Variants in TNKS observed in about 807,000 individuals in gnomAD.
TNKS encodes the protein poly [ADP-ribose] polymerase tankyrase-1.
TNKS carries 72 observed loss-of-function variants against 135.8 expected under a neutral mutation model. The observed-to-expected ratio is 0.53, with a 90% CI of 0.44 to 0.64. The LOEUF (loss-of-function observed/expected upper bound fraction) is 0.64. Ranked by LOEUF, TNKS falls within the 30% of genes least tolerant of loss-of-function variation. The probability of loss-of-function intolerance (pLI) is 0.00; values close to 1 mark genes in which losing one functional copy is unlikely to be tolerated. For synonymous variants in TNKS, 849 were observed against 649.3 expected, an observed-to-expected ratio of 1.31 and a Z score of -4.68; for missense variants, 1,769 against 1,674.0, an observed-to-expected ratio of 1.06 and a Z score of -0.99.
chr8:9,675,074 G>A (rs529306339), intron 3 of TNKS, among the ~76,000 whole-genome samples: 11 of 152,290 alleles, frequency 7.2e-5, no homozygotes, highest in African/African-American at 2.4e-4. Context: ...TTTAAGTATA[G>A]CAGAGTATCA....
Position 9,674,657 on chromosome 8 carries a change from A to G in TNKS, c.995-5294A>G, listed in dbSNP as rs552831115. Among the ~76,000 whole-genome samples the G allele has an allele frequency of 3.3e-5, 5 of 152,252 alleles. No homozygotes were observed. The South Asian group carries it at 6.2e-4, about 19-fold the overall frequency. On this transcript the variant is annotated intron_variant, in intron 3 of 26. Transcript: ENST00000310430. ...ACTGATGAACAGAATTTTTATTTTTATATAATTTAATTGTAAGTGTTGAGG... is the reference window on the plus strand; with the variant it reads ...ACTGATGAACAGAATTTTTATTTTTGTATAATTTAATTGTAAGTGTTGAGG...
intron 3 of TNKS, among the ~76,000 whole-genome samples, chr8:9,650,626 T>C (rs567815429): frequency 6.6e-6 from 1 of 152,350 alleles, no homozygotes; most frequent in Non-Finnish European, 1.5e-5. Context: ...TTGAGAATTA[T>C]CTATTCATGT....
At chr8:9,686,600 G>C (rs1290402383) in intron 5 of TNKS, among the ~76,000 whole-genome samples, 1 of 152,112 alleles carries the variant, frequency 6.6e-6, no homozygotes. Context: ...TAGTTACTTG[G>C]AAGAATAAGT....
At chr8:9,607,816 G>A (rs1339158471) in intron 2 of TNKS, among the ~76,000 whole-genome samples, 4 of 152,112 alleles carry the variant, frequency 2.6e-5, no homozygotes, top group African/African-American at 9.7e-5. Context: ...TTAATAAAAT[G>A]CAGTAATTTT....
At chr8:9,685,411 T>C (rs948079187) in intron 5 of TNKS, among the ~76,000 whole-genome samples, 1 of 152,202 alleles carries the variant, frequency 6.6e-6, no homozygotes, top group African/African-American at 2.4e-5. Flanking sequence ...ATGTGGTCAG[T>C]ATACCTAGTA....
Position 9,556,536 on chromosome 8 carries a change from G to A in TNKS, c.597G>A (p.Lys199=). 2 of 1,614,206 alleles carry A rather than the reference G, an allele frequency of 1.2e-6. No individual in the cohort carries two copies. The highest frequency in any genetic ancestry group is 1.7e-6 in the Non-Finnish European group (2 of 1,180,052). Residue 199 remains lysine, a synonymous_variant, in exon 1 of 27, where the codon AAG becomes AAA. Transcript: ENST00000310430. ...ACRNGDVSRV[K]RLVDAANVNA... ...GCAATGGGGACGTGTCCCGGGTAAA[G>A]AGGCTGGTGGACGCGGCAAACGTAA...
At chr8:9,677,653 T>C (rs1271619095) in intron 3 of TNKS, among the ~76,000 whole-genome samples, 4 of 152,234 alleles carry the variant, frequency 2.6e-5, no homozygotes, top group South Asian at 4.1e-4. Context: ...AAGTATTTTA[T>C]GTAATCACAA....
intron 12 of TNKS, among the ~76,000 whole-genome samples, chr8:9,723,807 G>A (rs1038308054): frequency 2.6e-5 from 4 of 152,144 alleles, no homozygotes; most frequent in African/African-American, 7.2e-5. Context: ...ACCACAGACA[G>A]TTCTTTTGGC....
intron 1 of TNKS, among the ~76,000 whole-genome samples, chr8:9,564,321 T>C (rs895721601): frequency 5.3e-5 from 8 of 151,990 alleles, no homozygotes; most frequent in Non-Finnish European, 1.2e-4. Context: ...GAGAAATACA[T>C]TGGGAGGATA....
chr8:9,637,799 G>T (rs1047639151), intron 3 of TNKS, among the ~76,000 whole-genome samples: 1 of 152,098 alleles, frequency 6.6e-6, no homozygotes, highest in Non-Finnish European at 1.5e-5. Flanking sequence ...GAGAAATCTA[G>T]CCAGGAATAA....
rs190362263 is a variant in TNKS at position 9,619,724 on chromosome 8, G to T, written c.994+4047G>T. 3.0e-4 allele frequency among the ~76,000 whole-genome samples: 46 copies of T among 152,050 alleles called. No homozygotes were observed. The East Asian group carries it at 8.5e-3, about 28-fold the overall frequency. The stretch of plus-strand genomic sequence containing the variant: ...GGCTCAGGCCACCGGCAATATTGAG[G>T]TGTCTGGTGTGTTCTTGCTGAGACT... On this transcript the variant is annotated intron_variant, in intron 3 of 26. Coordinates refer to ENST00000310430, the MANE Select transcript of TNKS (RefSeq NM_003747.3).
intron 18 of TNKS, among the ~76,000 whole-genome samples, chr8:9,751,067 A>AGGGGGGCAGAAAG (rs34558296): frequency 6.6e-6 from 1 of 150,626 alleles, no homozygotes; most frequent in African/African-American, 2.4e-5. Flanking sequence ...TTCGGCGGGT[A>AGGGGGGCAGAAAG]GGGGGCAGAA....
chr8:9,680,999 G>T (rs1802759493), intron 5 of TNKS, 199 bp downstream of exon 5: 1 of 415,960 alleles, frequency 2.4e-6, no homozygotes, highest in East Asian at 3.6e-5. Context: ...TCTTAAGTAA[G>T]CCTTTTCTCT....
intron 19 of TNKS, 120 bp downstream of exon 19, chr8:9,751,966 T>C (rs1015659577): frequency 2.4e-6 from 2 of 833,370 alleles, no homozygotes; most frequent in South Asian, 3.3e-5. Flanking sequence ...TAAATTTTCA[T>C]ACACACAACA....
intron 20 of TNKS, among the ~76,000 whole-genome samples, chr8:9,758,271 A>G (rs1242887544): frequency 6.6e-6 from 1 of 152,184 alleles, no homozygotes; most frequent in African/African-American, 2.4e-5. Context: ...TTGCAAGAAT[A>G]ATGTATATTT....
At chr8:9,749,269 T>G (rs1806392881) in intron 18 of TNKS, among the ~76,000 whole-genome samples, 1 of 152,020 alleles carries the variant, frequency 6.6e-6, no homozygotes, top group South Asian at 2.1e-4. Context: ...ACATTCAAAT[T>G]ACACTCACCT....
chr8:9,735,756 C>T (rs918123209), intron 17 of TNKS, among the ~76,000 whole-genome samples: 3 of 151,950 alleles, frequency 2.0e-5, no homozygotes, highest in East Asian at 1.9e-4. Context: ...GCCCAGATCG[C>T]GCCACTGCAC....
At chr8:9,662,583 C>T (rs563567902) in intron 3 of TNKS, among the ~76,000 whole-genome samples, 105 of 152,002 alleles carry the variant, frequency 6.9e-4, no homozygotes, top group African/African-American at 2.4e-3. Context: ...CATCACACAC[C>T]GGGGACAGTT....
At chr8:9,715,517 T>C (rs1028801788) in intron 11 of TNKS, among the ~76,000 whole-genome samples, 3 of 152,004 alleles carry the variant, frequency 2.0e-5, no homozygotes, top group Non-Finnish European at 4.4e-5. Flanking sequence ...TGTCCTGCTG[T>C]CCTCTATCTC....
Sources: gnomAD v4.1 joint callset for allele counts (sites outside exome capture counted in the v4.1 genomes callset) on GRCh38, gnomAD v4.1.1 for gene constraint, MANE v1.5 for transcripts, NCBI Gene and HGNC (gene_info 2026-07-23, HGNC 2026-07-21) for gene names.